Variants in KCNN3 observed in about 807,000 individuals in gnomAD.
The protein encoded by KCNN3 is potassium calcium-activated channel subfamily N member 3.
Under a neutral mutation model 62.9 loss-of-function variants are expected in KCNN3, and 16 were observed. That is an observed-to-expected ratio of 0.25 (90% CI 0.17 to 0.39). The LOEUF (loss-of-function observed/expected upper bound fraction) is 0.39, where lower values mean the gene tolerates loss of function less well. Among genes scored for constraint, KCNN3 ranks in the 10% least tolerant of loss-of-function variants. The pLI, the probability that KCNN3 is intolerant of heterozygous loss-of-function variation, is 1.00. For missense variants in KCNN3, 599 were observed against 949.4 expected, an observed-to-expected ratio of 0.63 and a Z score of 4.85; for synonymous variants, 370 against 389.2, an observed-to-expected ratio of 0.95 and a Z score of 0.58.
At chr1:154,754,610 T>C (rs1647544982) in intron 3 of KCNN3, among the ~76,000 whole-genome samples, 1 of 152,126 alleles carries the variant, frequency 6.6e-6, no homozygotes, top group Non-Finnish European at 1.5e-5. Flanking sequence ...TCCTGATGGC[T>C]AAAAGGTAGG....
intron 1 of KCNN3, chr1:154,859,976 T>C: frequency 1.4e-6 from 1 of 708,312 alleles, no homozygotes. Flanking sequence ...TCATCAAGGC[T>C]CTGCTCAGAA....
intron 1 of KCNN3, among the ~76,000 whole-genome samples, chr1:154,828,619 C>G (rs1651245262): frequency 6.6e-6 from 1 of 152,180 alleles, no homozygotes; most frequent in East Asian, 1.9e-4. Flanking sequence ...CTCTCTGGGC[C>G]TCTGGTTTCT....
chr1:154,813,231 T>G (rs1305552177), intron 2 of KCNN3, among the ~76,000 whole-genome samples: 1 of 81,754 alleles, frequency 1.2e-5, no homozygotes, highest in African/African-American at 4.1e-5. Context: ...TTTTTTTTTT[T>G]GAACATTTTC....
chr1:154,774,857 A>G lies in KCNN3; in HGVS notation c.1030-2464T>C, dbSNP rs565848024. ...CACCTCCTGGCTGGGAGAGCAGGCCATGCATGCATCCTGGGAAGGCCTGAG... is the reference window on the plus strand; with the variant it reads ...CACCTCCTGGCTGGGAGAGCAGGCCGTGCATGCATCCTGGGAAGGCCTGAG... On this transcript the variant is annotated intron_variant, in intron 2 of 7. Coordinates refer to ENST00000271915, the MANE Select transcript of KCNN3 (RefSeq NM_002249.6). Among the ~76,000 whole-genome samples the G allele has an allele frequency of 7.2e-5, 11 of 152,384 alleles. No individual in the cohort carries two copies. The East Asian group carries it at 2.1e-3, about 29-fold the overall frequency.
In KCNN3 at chr1:154,705,275, G is replaced by T. The variant is rs1699945762; in HGVS notation, c.*2701C>A. 1 of 152,190 alleles carries T rather than the reference G, an allele frequency of 6.6e-6. No individual in the cohort carries two copies. The highest frequency in any genetic ancestry group is 2.1e-4 in the South Asian group (1 of 4,826). 9.4% of individuals were successfully genotyped at this position (152,190 alleles called of 1,614,324 possible). On this transcript the variant is annotated 3_prime_UTR_variant, in exon 8 of 8. Coordinates refer to ENST00000271915, the MANE Select transcript of KCNN3 (RefSeq NM_002249.6). The stretch of plus-strand genomic sequence containing the variant: ...AATAATTAATACTTAAGTCATCAAG[G>T]GTTGATTGTACTTGCAGGAGAACGG...
In KCNN3 at chr1:154,870,012, C is replaced by A. The variant is rs1330104438; in HGVS notation, c.-48G>T. ...TGCAGCACAAGCCCCCACCCCAAAG[C>A]CACCCTCGCTCCAAAGATGTCCTCA... On this transcript the variant is annotated 5_prime_UTR_variant, in exon 1 of 8. Coordinates refer to ENST00000271915, the MANE Select transcript of KCNN3 (RefSeq NM_002249.6). 1.9e-6 allele frequency: 3 copies of A among 1,586,192 alleles called. No individual in the cohort carries two copies. Among genetic ancestry groups the A allele is most frequent in the Non-Finnish European group, 2.6e-6 (3 of 1,163,034 alleles).
chr1:154,795,620 G>A (rs995376266), intron 2 of KCNN3, among the ~76,000 whole-genome samples: 2 of 152,192 alleles, frequency 1.3e-5, no homozygotes, highest in Admixed American at 6.5e-5. Context: ...GAGCAGTGAT[G>A]TAAACAGAGG....
intron 5 of KCNN3, among the ~76,000 whole-genome samples, chr1:154,720,147 G>T (rs1700317220): frequency 6.6e-6 from 1 of 152,368 alleles, no homozygotes; most frequent in East Asian, 1.9e-4. Flanking sequence ...CTGCCTGCCT[G>T]ATGGTCTGAG....
chr1:154,790,237 A>G lies in KCNN3; in HGVS notation c.1030-17844T>C, dbSNP rs138529329. 4.0e-3 allele frequency among the ~76,000 whole-genome samples: 602 copies of G among 152,214 alleles called. 3 individuals are homozygous for G. The highest frequency in any genetic ancestry group is 0.013 in the African/African-American group (546 of 41,536). ...TGAGCCACCATGCCCAGCCAAGAAC[A>G]CTTGCTTTTAAAAGCAGAGTATCAA... On this transcript the variant is annotated intron_variant, in intron 2 of 7. Transcript: ENST00000271915.
intron 4 of KCNN3, among the ~76,000 whole-genome samples, chr1:154,729,236 CTCAGCCTTTTGCTT>C (rs571162934): frequency 9.0e-4 from 137 of 152,294 alleles, no homozygotes; most frequent in African/African-American, 3.1e-3. Context: ...AGAGCCATGA[CTCAGCCTTTTGCTT>C]TCAGATATGC....
intron 2 of KCNN3, among the ~76,000 whole-genome samples, chr1:154,775,206 C>G (rs1422196825): frequency 6.6e-6 from 1 of 152,216 alleles, no homozygotes; most frequent in African/African-American, 2.4e-5. Context: ...GCCTTCCTTA[C>G]AGTTCAGCAA....
In KCNN3 at chr1:154,840,234, G is replaced by A. The variant is rs181238160; in HGVS notation, c.934-18050C>T. 4.0e-4 allele frequency among the ~76,000 whole-genome samples: 61 copies of A among 152,290 alleles called. 1 individual carries two copies. The highest frequency in any genetic ancestry group is 3.9e-3 in the Admixed American group (59 of 15,288). On this transcript the variant is annotated intron_variant, in intron 1 of 7. Coordinates refer to ENST00000271915, the MANE Select transcript of KCNN3 (RefSeq NM_002249.6). ...GTCTATTCTAAGTGCACTTTGGATA[G>A]GATTTGGAGACTGATTGGTTAGAGA...
intron 2 of KCNN3, among the ~76,000 whole-genome samples, chr1:154,778,993 G>C (rs555229936): frequency 3.3e-5 from 5 of 152,106 alleles, no homozygotes; most frequent in African/African-American, 1.2e-4. Flanking sequence ...TACAGCAGAG[G>C]TTTAAAAAAT....
intron 5 of KCNN3, among the ~76,000 whole-genome samples, chr1:154,716,525 C>CT (rs1178650606): frequency 1.3e-5 from 2 of 152,142 alleles, no homozygotes; most frequent in African/African-American, 4.8e-5. Context: ...AGGCTGATAA[C>CT]TTTTGTGTGT....
chr1:154,837,703 A>G (rs760400026), intron 1 of KCNN3, among the ~76,000 whole-genome samples: 1 of 152,252 alleles, frequency 6.6e-6, no homozygotes, highest in Non-Finnish European at 1.5e-5. Flanking sequence ...CGGTGATGAC[A>G]CACTGAGCTA....
intron 2 of KCNN3, among the ~76,000 whole-genome samples, chr1:154,815,479 TG>T (rs1213333495): frequency 1.3e-5 from 2 of 152,126 alleles, no homozygotes; most frequent in Non-Finnish European, 2.9e-5. Flanking sequence ...CGTGGCCACT[TG>T]GTGTTTCACA....
Position 154,733,247 on chromosome 1 carries a change from G to A in KCNN3, c.1449-103C>T, listed in dbSNP as rs888526711. Reference sequence around the variant, plus strand: ...GAAGGAAATGAGATATTTTGCTGAGGAAGAGGCAGCAGTGACGGTGGCTCA... The same window carrying A: ...GAAGGAAATGAGATATTTTGCTGAGAAAGAGGCAGCAGTGACGGTGGCTCA... On this transcript the variant is annotated intron_variant, in intron 3 of 7. Transcript: ENST00000271915. The A allele has an allele frequency of 1.3e-5, 16 of 1,240,916 alleles. No individual in the cohort carries two copies. In the South Asian group the frequency reaches 1.6e-4, roughly 12 times the overall value. The allele number at this position is 1,240,916 out of a possible 1,614,324, so 76.9% of individuals were successfully genotyped here. A position where few individuals can be genotyped will look rare whatever the true frequency, so the allele number is the denominator to read the frequency against.
intron 3 of KCNN3, among the ~76,000 whole-genome samples, chr1:154,747,633 C>A (rs577336707): frequency 7.2e-5 from 11 of 152,192 alleles, no homozygotes; most frequent in Non-Finnish European, 1.6e-4. Context: ...TGATTTATAA[C>A]CTGGGGCACA....
At chr1:154,754,516 C>T (rs909003536) in intron 3 of KCNN3, among the ~76,000 whole-genome samples, 8 of 152,150 alleles carry the variant, frequency 5.3e-5, no homozygotes, top group East Asian at 1.9e-4. Flanking sequence ...GAATGACCAA[C>T]GGATGTAAAT....
Sources: gnomAD v4.1 joint callset for allele counts (sites outside exome capture counted in the v4.1 genomes callset) on GRCh38, gnomAD v4.1.1 for gene constraint, MANE v1.5 for transcripts, NCBI Gene and HGNC (gene_info 2026-07-23, HGNC 2026-07-21) for gene names.